CPSF6: variants seen among roughly 807,000 people sequenced by gnomAD.
CPSF6 encodes the protein cleavage and polyadenylation specific factor 6.
CPSF6 carries 10 observed loss-of-function variants against 56.7 expected under a neutral mutation model. The ratio of observed to expected loss-of-function variants is 0.18; its 90% CI spans 0.11 to 0.30. The LOEUF is 0.30. CPSF6 is among the 10% of genes least tolerant of loss of function. The pLI, the probability that CPSF6 is intolerant of heterozygous loss-of-function variation, is 1.00. For missense variants in CPSF6, 419 were observed against 722.9 expected (o/e 0.58, Z 4.82); for synonymous variants, 248 against 244.8 (o/e 1.01, Z -0.12).
chr12:69,253,515 T>A (rs577391906), intron 3 of CPSF6, among the ~76,000 whole-genome samples: 3 of 152,300 alleles, frequency 2.0e-5, no homozygotes, highest in Non-Finnish European at 4.4e-5. Flanking sequence ...TACATGGATA[T>A]TTTGCTTTAT....
At chr12:69,264,239 A>G (rs551710005) in intron 9 of CPSF6, among the ~76,000 whole-genome samples, 2 of 152,064 alleles carry the variant, frequency 1.3e-5, no homozygotes, top group African/African-American at 2.4e-5. Flanking sequence ...TAAGTTACCT[A>G]TTTTTTTGGA....
chr12:69,269,587 T>G lies in CPSF6; in HGVS notation c.*79T>G. On this transcript the variant is annotated 3_prime_UTR_variant, in exon 10 of 10. Transcript: ENST00000435070. ...AATGACGCTTGTCCAGCAGTTTGCTTCTTGTGATTGAACTGAACCTGTAAG... is the reference window on the plus strand; with the variant it reads ...AATGACGCTTGTCCAGCAGTTTGCTGCTTGTGATTGAACTGAACCTGTAAG... 5 of 438,392 alleles carry G rather than the reference T, an allele frequency of 1.1e-5. No individual in the cohort carries two copies. The highest frequency in any genetic ancestry group is 8.2e-5 in the South Asian group (5 of 61,016). 27.2% of individuals were successfully genotyped at this position (438,392 alleles called of 1,614,324 possible).
chr12:69,269,656 A>G lies in CPSF6; in HGVS notation c.*148A>G. 3.5e-6 allele frequency: 1 copy of G among 286,174 alleles called. No homozygotes were observed. The highest frequency in any genetic ancestry group is 4.9e-5 in the Admixed American group (1 of 20,550). The allele number at this position is 286,174 out of a possible 1,614,324, so 17.7% of individuals were successfully genotyped here. ...ACAGGAATAGATCTGAATAAAGCAA[A>G]TCTGCATAAATGGTAACCAGTAGCT... On this transcript the variant is annotated 3_prime_UTR_variant, in exon 10 of 10. Transcript: ENST00000435070.
At chr12:69,250,319 G>T (rs1872166514) in intron 1 of CPSF6, among the ~76,000 whole-genome samples, 1 of 151,878 alleles carries the variant, frequency 6.6e-6, no homozygotes, top group African/African-American at 2.4e-5. Flanking sequence ...AAAAAAACTT[G>T]TCTATTTGCA....
At chr12:69,247,810 C>T (rs1432571590) in intron 1 of CPSF6, among the ~76,000 whole-genome samples, 1 of 152,144 alleles carries the variant, frequency 6.6e-6, no homozygotes, top group African/African-American at 2.4e-5. Flanking sequence ...AGGAAGGTTA[C>T]TGATAACTAC....
chr12:69,255,369 G>A (rs551917833), intron 3 of CPSF6, among the ~76,000 whole-genome samples: 38 of 152,286 alleles, frequency 2.5e-4, no homozygotes, highest in African/African-American at 9.1e-4. Flanking sequence ...GTGTGAACAT[G>A]TATTTTCAGT....
chr12:69,265,329 T>C (rs191697418), intron 9 of CPSF6, among the ~76,000 whole-genome samples: 12 of 152,334 alleles, frequency 7.9e-5, no homozygotes, highest in African/African-American at 2.9e-4. Flanking sequence ...CATTTTTTAC[T>C]GAAATAATTT....
At chr12:69,259,953 T>TA in intron 7 of CPSF6, 91 bp from the exon 8 acceptor site, 3 of 1,329,796 alleles carry the variant, frequency 2.3e-6, no homozygotes, top group Non-Finnish European at 3.1e-6. Flanking sequence ...AGTACTTTTG[T>TA]AAAATGCCTT....
At position 69,272,478 on chromosome 12, in the gene CPSF6, A is replaced by C. The variant is rs941244795; in HGVS notation, c.*2970A>C. 3 of 151,744 alleles carry C rather than the reference A, an allele frequency of 2.0e-5. No homozygotes were observed. Among genetic ancestry groups the C allele is most frequent in the Non-Finnish European group, 4.4e-5 (3 of 67,678 alleles). The allele number at this position is 151,744 out of a possible 1,614,324, so 9.4% of individuals were successfully genotyped here. ...TTTCCCTTATGTATTTAACTGTGCC[A>C]ATCTAAATACATACTGTTTTATACA... On this transcript the variant is annotated 3_prime_UTR_variant, in exon 10 of 10. Coordinates refer to ENST00000435070, the MANE Select transcript of CPSF6 (RefSeq NM_007007.3).
intron 1 of CPSF6, among the ~76,000 whole-genome samples, chr12:69,246,170 G>A (rs556655930): frequency 6.6e-6 from 1 of 152,162 alleles, no homozygotes; most frequent in Non-Finnish European, 1.5e-5. Flanking sequence ...TAGGAGTTAC[G>A]GACCTGGACA....
rs1873268603 is a variant in CPSF6, at chr12:69,272,016, G to A, written c.*2508G>A. The A allele has an allele frequency of 6.6e-6, 1 of 151,694 alleles. No individual in the cohort carries two copies. The highest frequency in any genetic ancestry group is 1.5e-5 in the Non-Finnish European group (1 of 67,664). The allele number at this position is 151,694 out of a possible 1,614,324, so 9.4% of individuals were successfully genotyped here. ...TATACAGTCACATTCCTTTCAGCCAGTAGTAAAGTTAAACAGATGAGTGAT... is the reference window on the plus strand; with the variant it reads ...TATACAGTCACATTCCTTTCAGCCAATAGTAAAGTTAAACAGATGAGTGAT... On this transcript the variant is annotated 3_prime_UTR_variant, in exon 10 of 10. Transcript: ENST00000435070.
chr12:69,240,487 ACC>A (rs1405857892), intron 1 of CPSF6, among the ~76,000 whole-genome samples: 3 of 152,128 alleles, frequency 2.0e-5, no homozygotes, highest in Non-Finnish European at 4.4e-5. Flanking sequence ...TGATGAAAAT[ACC>A]TGTGAAGATG....
rs1213504069 is a variant in CPSF6 at position 69,253,255 on chromosome 12, T to C, written c.374+101T>C. 3 of 595,124 alleles carry C rather than the reference T, an allele frequency of 5.0e-6. No homozygotes were observed. In the East Asian group the frequency reaches 9.0e-5, roughly 18 times the overall value. The allele number at this position is 595,124 out of a possible 1,614,324, so 36.9% of individuals were successfully genotyped here. A position where few individuals can be genotyped will look rare whatever the true frequency, so the allele number is the denominator to read the frequency against. On this transcript the variant is annotated intron_variant, in intron 3 of 9. Coordinates refer to ENST00000435070, the MANE Select transcript of CPSF6 (RefSeq NM_007007.3). Reference sequence around the variant, plus strand: ...AATGTTAATTACACATGTATACACATGTATACAAACAACACATGATTGTTT... The same window carrying C: ...AATGTTAATTACACATGTATACACACGTATACAAACAACACATGATTGTTT...
chr12:69,253,194 T>C (rs1370253800), intron 3 of CPSF6, 40 bp downstream of exon 3: 19 of 1,036,232 alleles, frequency 1.8e-5, no homozygotes, highest in Non-Finnish European at 2.5e-5. Flanking sequence ...TAGTAGCTAG[T>C]GATACAGTTT....
At chr12:69,250,278 A>C (rs1487581711) in intron 1 of CPSF6, among the ~76,000 whole-genome samples, 1 of 151,692 alleles carries the variant, frequency 6.6e-6, no homozygotes, top group African/African-American at 2.4e-5. Context: ...ATGGCTTTGG[A>C]TTTTGGGGTG....
intron 9 of CPSF6, among the ~76,000 whole-genome samples, chr12:69,266,087 TTTC>T (rs1872970473): frequency 6.6e-6 from 1 of 151,992 alleles, no homozygotes; most frequent in African/African-American, 2.4e-5. Flanking sequence ...GATGTTTCAT[TTTC>T]TTCTTAGTGT....
chr12:69,266,684 A>G (rs919346103), intron 9 of CPSF6, among the ~76,000 whole-genome samples: 2 of 152,204 alleles, frequency 1.3e-5, no homozygotes, highest in Non-Finnish European at 1.5e-5. Context: ...TTGTGGTAGC[A>G]TGTTTTGACT....
chr12:69,247,253 CAG>C (rs1448261677), intron 1 of CPSF6, among the ~76,000 whole-genome samples: 3 of 151,920 alleles, frequency 2.0e-5, no homozygotes, highest in African/African-American at 7.3e-5. Flanking sequence ...GGCTTGGCAA[CAG>C]ATATTTGTAT....
chr12:69,252,509 A>G (rs1022113529), intron 2 of CPSF6, among the ~76,000 whole-genome samples: 8 of 152,182 alleles, frequency 5.3e-5, no homozygotes, highest in African/African-American at 1.7e-4. Context: ...TCCACCATCT[A>G]TTATTAGTTT....
Sources: allele counts gnomAD v4.1 joint callset (sites outside exome capture counted in the v4.1 genomes callset), GRCh38; gene constraint gnomAD v4.1.1; transcripts MANE v1.5; gene names NCBI Gene and HGNC (gene_info 2026-07-23, HGNC 2026-07-21).